The following TRPC4 variants were observed in gnomAD, a reference collection of about 807,000 sequenced individuals.
TRPC4 encodes the protein short transient receptor potential channel 4.
A neutral mutation model predicts 99.4 loss-of-function variants in TRPC4; 49 were observed. That is an observed-to-expected ratio of 0.49 (90% CI 0.39 to 0.63). The LOEUF (loss-of-function observed/expected upper bound fraction) is 0.63. Among genes scored for constraint, TRPC4 ranks in the 20% least tolerant of loss-of-function variants. The pLI, the probability that TRPC4 is intolerant of heterozygous loss-of-function variation, is 0.00. For missense variants in TRPC4, 898 were observed against 1,152.9 expected (o/e 0.78, Z 3.20); for synonymous variants, 454 against 425.9 (o/e 1.07, Z -0.81).
intron 3 of TRPC4, among the ~76,000 whole-genome samples, chr13:37,714,535 A>C (rs1954599055): frequency 6.6e-6 from 1 of 152,216 alleles, no homozygotes; most frequent in East Asian, 1.9e-4. Context: ...TAGCTGCATA[A>C]AATCTTTTAA....
intron 2 of TRPC4, among the ~76,000 whole-genome samples, chr13:37,752,660 C>T (rs977134962): frequency 6.6e-6 from 1 of 151,532 alleles, no homozygotes; most frequent in Non-Finnish European, 1.5e-5. Flanking sequence ...CCTAATGTTA[C>T]AGCCTTTCAT....
chr13:37,741,457 C>T (rs1336348788), intron 3 of TRPC4, among the ~76,000 whole-genome samples: 1 of 152,076 alleles, frequency 6.6e-6, no homozygotes, highest in African/African-American at 2.4e-5. Context: ...TTTCCAGTTT[C>T]CTTTGTTATT....
chr13:37,854,608 A>G (rs1421121862), intron 1 of TRPC4, among the ~76,000 whole-genome samples: 2 of 152,082 alleles, frequency 1.3e-5, no homozygotes, highest in African/African-American at 4.8e-5. Flanking sequence ...AAAGCAGAGG[A>G]ATAAAGCTAA....
At chr13:37,864,858 AC>A (rs1271152160) in intron 1 of TRPC4, among the ~76,000 whole-genome samples, 3 of 151,776 alleles carry the variant, frequency 2.0e-5, no homozygotes, top group Non-Finnish European at 3.0e-5. Flanking sequence ...TTTTACAGAA[AC>A]AAAAAGGTAG....
intron 2 of TRPC4, among the ~76,000 whole-genome samples, chr13:37,747,985 C>T (rs1353594324): frequency 1.3e-5 from 2 of 152,084 alleles, no homozygotes; most frequent in South Asian, 2.1e-4. Flanking sequence ...TCTTAAGTGA[C>T]TAAGGTTTGG....
intron 6 of TRPC4, among the ~76,000 whole-genome samples, chr13:37,656,051 A>G (rs1952223518): frequency 6.6e-6 from 1 of 152,108 alleles, no homozygotes; most frequent in South Asian, 2.1e-4. Flanking sequence ...ATAAAATTTG[A>G]TGGGTTTTTG....
intron 5 of TRPC4, among the ~76,000 whole-genome samples, chr13:37,671,862 A>G (rs950364460): frequency 1.1e-4 from 16 of 152,182 alleles, no homozygotes; most frequent in African/African-American, 3.4e-4. Flanking sequence ...CAGAAAGGAC[A>G]TGTTGTAGTT....
At chr13:37,686,356 A>G (rs1953479786) in intron 4 of TRPC4, among the ~76,000 whole-genome samples, 1 of 151,996 alleles carries the variant, frequency 6.6e-6, no homozygotes, top group African/African-American at 2.4e-5. Flanking sequence ...ATGTGTCTGT[A>G]TGTACCTATA....
chr13:37,708,041 G>T (rs541530494), intron 3 of TRPC4, among the ~76,000 whole-genome samples: 3 of 151,892 alleles, frequency 2.0e-5, no homozygotes, highest in Non-Finnish European at 2.9e-5. Context: ...CAGCTTCAAC[G>T]CCAGCACTCT....
At chr13:37,666,248 G>A (rs1213753019) in intron 5 of TRPC4, among the ~76,000 whole-genome samples, 1 of 152,160 alleles carries the variant, frequency 6.6e-6, no homozygotes, top group South Asian at 2.1e-4. Flanking sequence ...CAGCTGCACG[G>A]TATGAGTTCT....
chr13:37,654,865 G>C (rs1952172875), intron 7 of TRPC4, among the ~76,000 whole-genome samples: 1 of 152,044 alleles, frequency 6.6e-6, no homozygotes, highest in South Asian at 2.1e-4. Context: ...AAATGGATTT[G>C]GTTTATCTTT....
intron 4 of TRPC4, among the ~76,000 whole-genome samples, chr13:37,680,129 C>G (rs1168527281): frequency 6.6e-6 from 1 of 152,146 alleles, no homozygotes; most frequent in Non-Finnish European, 1.5e-5. Flanking sequence ...TGAGAGTTTA[C>G]AAGGCACAGA....
At chr13:37,845,731 A>G (rs561612374) in intron 1 of TRPC4, among the ~76,000 whole-genome samples, 40 of 152,264 alleles carry the variant, frequency 2.6e-4, no homozygotes, top group African/African-American at 9.1e-4. Context: ...AGAAAGAGAA[A>G]AAAGCCTAGA....
intron 3 of TRPC4, among the ~76,000 whole-genome samples, chr13:37,698,866 G>T (rs1954010275): frequency 6.6e-6 from 1 of 152,100 alleles, no homozygotes. Flanking sequence ...AACATGAGTA[G>T]GTGATAAAGA....
At chr13:37,711,452 A>C (rs536328324) in intron 3 of TRPC4, among the ~76,000 whole-genome samples, 2 of 152,106 alleles carry the variant, frequency 1.3e-5, no homozygotes, top group South Asian at 4.1e-4. Context: ...AATGGAATAA[A>C]CAAATCCATG....
intron 10 of TRPC4, among the ~76,000 whole-genome samples, chr13:37,638,279 A>C (rs1373209254): frequency 2.6e-5 from 4 of 152,104 alleles, no homozygotes; most frequent in African/African-American, 4.8e-5. Context: ...TGAATCATTT[A>C]ATATTACAAT....
At position 37,655,246 on chromosome 13, in the gene TRPC4, A is replaced by G. The variant is rs963333918; in HGVS notation, c.1726T>C (p.Phe576Leu). 4.4e-6 allele frequency: 7 copies of G among 1,602,222 alleles called. No homozygotes were observed. Among genetic ancestry groups the G allele is most frequent in the Non-Finnish European group, 6.0e-6 (7 of 1,173,742 alleles). ...ETLQSLFWSI[F>L]GLINLYVTNV... is the part of the protein sequence containing the mutation. ...GTCACATATAAATTGATGAGCCCAAATATTGACCAAAACAGGGACTGCAGT... is the reference window on the plus strand; with the variant it reads ...GTCACATATAAATTGATGAGCCCAAGTATTGACCAAAACAGGGACTGCAGT... Residue 576 changes from phenylalanine (F) to leucine (L), a missense_variant, in exon 7 of 11, where the codon TTT becomes CTT. Phe to Leu is a conservative substitution (Grantham distance 22, BLOSUM62 0). This residue lies in a region of TRPC4 where 274 missense variants were observed against 454.9 expected (regional missense o/e 0.60). Coordinates refer to ENST00000379705, the MANE Select transcript of TRPC4 (RefSeq NM_016179.4).
Position 37,634,703 on chromosome 13 carries a change from C to T in TRPC4, c.*2200G>A, listed in dbSNP as rs188803717. 6.6e-6 allele frequency among the ~76,000 whole-genome samples: 1 copy of T among 152,104 alleles called. No individual in the cohort carries two copies. Among genetic ancestry groups the T allele is most frequent in the Non-Finnish European group, 1.5e-5 (1 of 67,950 alleles). On this transcript the variant is annotated 3_prime_UTR_variant, in exon 11 of 11. Coordinates refer to ENST00000379705, the MANE Select transcript of TRPC4 (RefSeq NM_016179.4). ...TACTTTGGGAAAAAACAAAATAAAA[C>T]AACAACGCACAAGAGAGGCAAAAAG...
At chr13:37,797,206 T>A (rs75257380) in intron 1 of TRPC4, among the ~76,000 whole-genome samples, 1,804 of 151,390 alleles carry the variant, frequency 0.012, 19 homozygotes, top group Non-Finnish European at 0.019. Flanking sequence ...AAAATAAAAA[T>A]AAAATAAAAT....
Sources: allele counts gnomAD v4.1 joint callset (sites outside exome capture counted in the v4.1 genomes callset), GRCh38; gene constraint gnomAD v4.1.1; regional missense constraint gnomAD v4.1.1; transcripts MANE v1.5; gene names NCBI Gene and HGNC (gene_info 2026-07-23, HGNC 2026-07-21).